Variants in CADM1 observed in about 807,000 individuals in gnomAD.
The protein encoded by CADM1 is TSLC-1.
CADM1 carries 15 observed loss-of-function variants against 53.1 expected under a neutral mutation model. The ratio of observed to expected loss-of-function variants is 0.28; its 90% CI spans 0.19 to 0.44. The LOEUF is 0.44. Among genes scored for constraint, CADM1 ranks in the 20% least tolerant of loss-of-function variants. The pLI, the probability that CADM1 is intolerant of heterozygous loss-of-function variation, is 1.00. For synonymous variants in CADM1, 281 were observed against 243.0 expected, an observed-to-expected ratio of 1.16 and a Z score of -1.45; for missense variants, 434 against 611.3, an observed-to-expected ratio of 0.71 and a Z score of 3.06.
intron 1 of CADM1, among the ~76,000 whole-genome samples, chr11:115,311,057 T>C (rs1004602905): frequency 2.0e-5 from 3 of 152,186 alleles, no homozygotes; most frequent in African/African-American, 7.2e-5. Flanking sequence ...ATGATATCCC[T>C]ACAAAGAGAG....
At chr11:115,462,945 G>A (rs925738154) in intron 1 of CADM1, among the ~76,000 whole-genome samples, 1 of 152,182 alleles carries the variant, frequency 6.6e-6, no homozygotes, top group Admixed American at 6.5e-5. Context: ...GAAGTAGTAG[G>A]TGCCCACTAG....
chr11:115,350,118 T>A (rs958728288), intron 1 of CADM1, among the ~76,000 whole-genome samples: 3 of 152,132 alleles, frequency 2.0e-5, no homozygotes, highest in Non-Finnish European at 4.4e-5. Context: ...ATTAGAGGCA[T>A]GTGCCACCAT....
chr11:115,214,866 A>G (rs12576086), intron 6 of CADM1, 86 bp from the exon 7 acceptor site: 73,288 of 1,227,428 alleles, frequency 0.06, 2,630 homozygotes, highest in Admixed American at 0.15. Context: ...TGACACAATT[A>G]ATGAGGACCT....
rs1341219904 is a variant in CADM1, at chr11:115,343,498, C to T, written c.125-103078G>A. Among the ~76,000 whole-genome samples, 3 of 152,230 alleles carry T rather than the reference C, an allele frequency of 2.0e-5. 1 individual carries two copies. The highest frequency in any genetic ancestry group is 1.9e-4 in the East Asian group (1 of 5,172). On this transcript the variant is annotated intron_variant, in intron 1 of 11. Coordinates refer to ENST00000331581, the MANE Select transcript of CADM1 (RefSeq NM_001301043.2). ...ACCTAGACAGTCTGGTTAACTTATA[C>T]AGTCTCTTCCCATTTATAAGAGCAA...
At chr11:115,246,049 C>T (rs1374153360) in intron 1 of CADM1, among the ~76,000 whole-genome samples, 1 of 152,126 alleles carries the variant, frequency 6.6e-6, no homozygotes, top group African/African-American at 2.4e-5. Flanking sequence ...TTTTAGGCAT[C>T]CAATGTGCAG....
chr11:115,315,218 C>T (rs141899554), intron 1 of CADM1, among the ~76,000 whole-genome samples: 35 of 152,212 alleles, frequency 2.3e-4, no homozygotes, highest in African/African-American at 7.7e-4. Context: ...TTAATGGAAA[C>T]GTCTTCCCAC....
chr11:115,226,233 A>G lies in CADM1; in HGVS notation c.721+2880T>C, dbSNP rs533185613. Among the ~76,000 whole-genome samples, 61 of 152,364 alleles carry G rather than the reference A, an allele frequency of 4.0e-4. No homozygotes were observed. The South Asian group carries it at 0.011, about 28-fold the overall frequency. ...AGATATTTTTACATAGGCCCTGGTT[A>G]GGATAAAGCAATAAAGTGACTTAAA... On this transcript the variant is annotated intron_variant, in intron 5 of 11. Coordinates refer to ENST00000331581, the MANE Select transcript of CADM1 (RefSeq NM_001301043.2).
intron 1 of CADM1, among the ~76,000 whole-genome samples, chr11:115,450,982 GT>G (rs1948559050): frequency 6.6e-6 from 1 of 152,100 alleles, no homozygotes; most frequent in African/African-American, 2.4e-5. Context: ...TAACATTTCA[GT>G]TATCTGAATT....
intron 3 of CADM1, among the ~76,000 whole-genome samples, chr11:115,236,856 A>G (rs1565316288): frequency 1.3e-5 from 2 of 152,204 alleles, no homozygotes; most frequent in African/African-American, 2.4e-5. Context: ...CTGAATTCTA[A>G]GATTTTTGGT....
At chr11:115,251,709 C>T (rs1942611638) in intron 1 of CADM1, among the ~76,000 whole-genome samples, 1 of 152,204 alleles carries the variant, frequency 6.6e-6, no homozygotes, top group Non-Finnish European at 1.5e-5. Flanking sequence ...ACTCTATCAT[C>T]TGTCAATCAT....
chr11:115,258,000 T>C (rs1027839778), intron 1 of CADM1, among the ~76,000 whole-genome samples: 9 of 152,224 alleles, frequency 5.9e-5, no homozygotes, highest in African/African-American at 2.2e-4. Flanking sequence ...CGTAATCTAA[T>C]TGAATCCTTT....
At chr11:115,355,531 G>T (rs1945843885) in intron 1 of CADM1, among the ~76,000 whole-genome samples, 1 of 152,008 alleles carries the variant, frequency 6.6e-6, no homozygotes, top group South Asian at 2.1e-4. Context: ...CTTAGTACCT[G>T]GGTGATGCAA....
intron 1 of CADM1, among the ~76,000 whole-genome samples, chr11:115,494,791 A>G (rs1251325918): frequency 6.6e-6 from 1 of 152,192 alleles, no homozygotes; most frequent in East Asian, 1.9e-4. Context: ...ATAGGCAGAA[A>G]ACACTTCCTA....
intron 1 of CADM1, among the ~76,000 whole-genome samples, chr11:115,302,521 T>C (rs1040354787): frequency 2.0e-5 from 3 of 152,104 alleles, no homozygotes; most frequent in African/African-American, 7.2e-5. Context: ...CAAACCATTA[T>C]ATTTTCTAGA....
intron 1 of CADM1, among the ~76,000 whole-genome samples, chr11:115,340,538 C>T (rs532837144): frequency 7.1e-6 from 1 of 140,128 alleles, no homozygotes; most frequent in South Asian, 2.2e-4. Context: ...AAAAAAAAGC[C>T]AGGTCATAAT....
intron 1 of CADM1, among the ~76,000 whole-genome samples, chr11:115,434,709 C>A (rs1205242189): frequency 6.6e-6 from 1 of 152,078 alleles, no homozygotes; most frequent in African/African-American, 2.4e-5. Flanking sequence ...GTTTTCACCT[C>A]TCCCCCTTGC....
At chr11:115,309,255 C>T (rs1244708426) in intron 1 of CADM1, among the ~76,000 whole-genome samples, 7 of 152,022 alleles carry the variant, frequency 4.6e-5, no homozygotes, top group African/African-American at 1.7e-4. Flanking sequence ...CATGCCATTT[C>T]TTTTAAAGTT....
chr11:115,240,159 CTAAACTT>C (rs1214860367), intron 2 of CADM1, 108 bp downstream of exon 2: 14 of 953,296 alleles, frequency 1.5e-5, no homozygotes, highest in Non-Finnish European at 2.3e-5. Flanking sequence ...AAAGAACTGA[CTAAACTT>C]TAAGCATCTA....
At chr11:115,324,563 A>G (rs1944911018) in intron 1 of CADM1, among the ~76,000 whole-genome samples, 1 of 152,214 alleles carries the variant, frequency 6.6e-6, no homozygotes, top group Non-Finnish European at 1.5e-5. Context: ...ATTAAGGGTG[A>G]GGAATCTCCT....
Sources: gnomAD v4.1 joint callset for allele counts (sites outside exome capture counted in the v4.1 genomes callset) on GRCh38, gnomAD v4.1.1 for gene constraint, MANE v1.5 for transcripts, NCBI Gene and HGNC (gene_info 2026-07-23, HGNC 2026-07-21) for gene names.